FRMD4B: variants seen among roughly 807,000 people sequenced by gnomAD.
The protein encoded by FRMD4B is FERM domain-containing protein 4B.
A neutral mutation model predicts 141.5 loss-of-function variants in FRMD4B; 74 were observed. The observed-to-expected ratio is 0.52, with a 90% confidence interval of 0.43 to 0.63. The LOEUF (loss-of-function observed/expected upper bound fraction) is 0.63. Among genes scored for constraint, FRMD4B ranks in the 30% least tolerant of loss-of-function variants. FRMD4B has a pLI of 0.00. For synonymous variants in FRMD4B, 506 were observed against 467.9 expected, an observed-to-expected ratio of 1.08 and a Z score of -1.05; for missense variants, 1,366 against 1,253.4, an observed-to-expected ratio of 1.09 and a Z score of -1.36.
intron 1 of FRMD4B, among the ~76,000 whole-genome samples, chr3:69,529,800 A>G (rs1347046623): frequency 6.6e-6 from 1 of 152,200 alleles, no homozygotes; most frequent in East Asian, 1.9e-4. Context: ...AAGGATTATT[A>G]TTTTCCCAGT....
intron 5 of FRMD4B, among the ~76,000 whole-genome samples, chr3:69,261,283 A>C (rs946344603): frequency 6.6e-6 from 1 of 152,348 alleles, no homozygotes; most frequent in Middle Eastern, 3.4e-3. Context: ...GACTTTGGAC[A>C]CACCATCTTT....
chr3:69,215,418 G>A (rs906216108), intron 11 of FRMD4B, among the ~76,000 whole-genome samples: 4 of 149,024 alleles, frequency 2.7e-5, no homozygotes, highest in East Asian at 2.0e-4. Flanking sequence ...TCAGCCTCCC[G>A]AGTAGCTAGG....
At chr3:69,471,603 C>T (rs1705893337) in intron 1 of FRMD4B, 2 of 197,610 alleles carry the variant, frequency 1.0e-5, no homozygotes, top group South Asian at 1.0e-4. Flanking sequence ...TAATGATTTT[C>T]TCTCTGTTTT....
intron 5 of FRMD4B, 75 bp downstream of exon 5, chr3:69,287,677 G>C: frequency 1.3e-6 from 1 of 752,486 alleles, no homozygotes. Context: ...TGCAAGAAGA[G>C]AGGCAAAACC....
Position 69,496,966 on chromosome 3 carries a change from T to C in FRMD4B, c.-129+45240A>G, listed in dbSNP as rs1158355514. Among the ~76,000 whole-genome samples, 3 of 151,998 alleles carry C rather than the reference T, an allele frequency of 2.0e-5. 1 individual carries two copies. The highest frequency in any genetic ancestry group is 7.3e-5 in the African/African-American group (3 of 41,364). ...CAGCTTGCTTCCCCATCCATTGCTA[T>C]GTGACTGGCATTGCCTACGCCGAGG... On this transcript the variant is annotated intron_variant, in intron 1 of 5. Transcript: ENST00000459638.
intron 7 of FRMD4B, among the ~76,000 whole-genome samples, chr3:69,234,443 A>T (rs543772384): frequency 2.0e-5 from 3 of 152,286 alleles, no homozygotes; most frequent in East Asian, 1.9e-4. Flanking sequence ...ACTGACCAAG[A>T]CCTGGGTGAT....
In FRMD4B at chr3:69,310,069, G is replaced by A. The variant is rs1274250574; in HGVS notation, c.323+1194C>T. ...GCTGTTGAGTGATTCAGAGTGAGGTGAGAGATGTCTAGTGTACTTTCTTCT... is the reference window on the plus strand; with the variant it reads ...GCTGTTGAGTGATTCAGAGTGAGGTAAGAGATGTCTAGTGTACTTTCTTCT... On this transcript the variant is annotated intron_variant, in intron 3 of 22. Coordinates refer to ENST00000398540, the MANE Select transcript of FRMD4B (RefSeq NM_015123.3). Among the ~76,000 whole-genome samples the A allele has an allele frequency of 3.3e-5, 5 of 152,194 alleles. No homozygotes were observed. The East Asian group carries it at 5.8e-4, about 18-fold the overall frequency.
chr3:69,481,665 TAAGG>T (rs1706127385), intron 1 of FRMD4B, among the ~76,000 whole-genome samples: 1 of 152,164 alleles, frequency 6.6e-6, no homozygotes, highest in Admixed American at 6.5e-5. Flanking sequence ...ACTTTTCCTA[TAAGG>T]AGGAAAACTT....
intron 5 of FRMD4B, among the ~76,000 whole-genome samples, chr3:69,259,761 T>A (rs1333301545): frequency 6.6e-6 from 1 of 152,252 alleles, no homozygotes; most frequent in Non-Finnish European, 1.5e-5. Context: ...TAATAATTTG[T>A]CTTCCTCTTT....
chr3:69,519,363 C>G (rs778221939), intron 1 of FRMD4B, among the ~76,000 whole-genome samples: 4 of 152,024 alleles, frequency 2.6e-5, no homozygotes, highest in African/African-American at 4.8e-5. Flanking sequence ...ATCTAAGGAT[C>G]CAAAATTCAA....
chr3:69,345,365 C>G (rs1214089282), intron 1 of FRMD4B, among the ~76,000 whole-genome samples: 4 of 152,212 alleles, frequency 2.6e-5, no homozygotes, highest in African/African-American at 9.6e-5. Context: ...GAGCCCACTG[C>G]AGCTCAAGGA....
At chr3:69,262,831 T>C (rs2093536712) in intron 5 of FRMD4B, among the ~76,000 whole-genome samples, 1 of 152,156 alleles carries the variant, frequency 6.6e-6, no homozygotes, top group Admixed American at 6.5e-5. Context: ...AAGCTGGGCA[T>C]AGCTACATAC....
upstream of FRMD4B, among the ~76,000 whole-genome samples, chr3:69,388,864 T>C (rs1206770240): frequency 1.3e-5 from 2 of 152,056 alleles, no homozygotes; most frequent in Non-Finnish European, 2.9e-5. Flanking sequence ...ATAGATTTAG[T>C]GAGTATAAGT....
In FRMD4B at chr3:69,447,529, C is replaced by A. The variant is rs537802210; in HGVS notation, c.-128-14768G>T. Among the ~76,000 whole-genome samples, 3 of 152,298 alleles carry A rather than the reference C, an allele frequency of 2.0e-5. No individual in the cohort carries two copies. The East Asian group carries it at 5.8e-4, about 29-fold the overall frequency. ...AATATATACACTCTTTACCCACCAC[C>A]ACAATCAAGATATGGAATATTTCTC... On this transcript the variant is annotated intron_variant, in intron 1 of 5. Coordinates refer to the FRMD4B transcript ENST00000459638.
At chr3:69,215,985 C>A (rs914929511) in intron 11 of FRMD4B, among the ~76,000 whole-genome samples, 2 of 152,112 alleles carry the variant, frequency 1.3e-5, no homozygotes, top group African/African-American at 4.8e-5. Flanking sequence ...AAAACCCCGT[C>A]TCTACTAAAA....
chr3:69,232,061 TCA>T, intron 7 of FRMD4B, among the ~76,000 whole-genome samples: 1 of 152,132 alleles, frequency 6.6e-6, no homozygotes, highest in East Asian at 1.9e-4. Flanking sequence ...AGGATCAACC[TCA>T]GAGTTCAGAG....
intron 1 of FRMD4B, chr3:69,334,191 C>T (rs1434728695): frequency 6.6e-6 from 1 of 152,126 alleles, no homozygotes. Flanking sequence ...GCCTCAGTGG[C>T]CTTAGACATT....
chr3:69,338,661 A>G (rs890080201), intron 1 of FRMD4B, among the ~76,000 whole-genome samples: 1 of 152,152 alleles, frequency 6.6e-6, no homozygotes, highest in African/African-American at 2.4e-5. Flanking sequence ...AGAAGGGAAC[A>G]ACAGACACCG....
intron 7 of FRMD4B, among the ~76,000 whole-genome samples, chr3:69,244,072 A>C (rs746538966): frequency 7.2e-5 from 11 of 152,076 alleles, no homozygotes; most frequent in Admixed American, 1.3e-4. Flanking sequence ...ATAACACTGT[A>C]ATACCCAATT....
Sources: allele counts gnomAD v4.1 joint callset (sites outside exome capture counted in the v4.1 genomes callset), GRCh38; gene constraint gnomAD v4.1.1; transcripts MANE v1.5; gene names NCBI Gene and HGNC (gene_info 2026-07-23, HGNC 2026-07-21).